ANKRD62: variants seen among roughly 807,000 people sequenced by gnomAD.
ANKRD62 encodes ankyrin repeat domain 62, also known as ankyrin repeat domain-containing protein 62.
ANKRD62 carries 61 observed loss-of-function variants against 98.8 expected under a neutral mutation model. The observed-to-expected ratio is 0.62, with a 90% confidence interval of 0.50 to 0.76. The LOEUF (loss-of-function observed/expected upper bound fraction) is 0.76, where lower values mean the gene tolerates loss of function less well. Among genes scored for constraint, ANKRD62 ranks in the 30% least tolerant of loss-of-function variants. The probability of loss-of-function intolerance (pLI) is 0.00; values close to 1 mark genes in which losing one functional copy is unlikely to be tolerated. For missense variants in ANKRD62, 933 were observed against 1,082.9 expected (o/e 0.86, Z 1.94); for synonymous variants, 341 against 367.9 (o/e 0.93, Z 0.84).
chr18:12,119,255 T>C (rs1909733602), intron 10 of ANKRD62, among the ~76,000 whole-genome samples: 1 of 152,170 alleles, frequency 6.6e-6, no homozygotes, highest in African/African-American at 2.4e-5. Flanking sequence ...ATTAGTAATT[T>C]GTATTTTCTC....
At chr18:12,133,967 A>G (rs1430986657), downstream of ANKRD62, among the ~76,000 whole-genome samples, 2 of 152,120 alleles carry the variant, frequency 1.3e-5, no homozygotes, top group Non-Finnish European at 2.9e-5. Context: ...TCATTACCCA[A>G]ATAATTTCCC....
chr18:12,132,846 T>C (rs1010075254), downstream of ANKRD62, among the ~76,000 whole-genome samples: 38 of 152,306 alleles, frequency 2.5e-4, no homozygotes, highest in Admixed American at 1.1e-3. Context: ...TCTTGAATTT[T>C]TTAGTTCAAA....
At chr18:12,152,250 T>C in the ANKRD62 span, among the ~76,000 whole-genome samples, 1 of 149,188 alleles carries the variant, frequency 6.7e-6, no homozygotes, top group African/African-American at 2.5e-5. Context: ...GCCAGCATTC[T>C]CCTGATACCG....
At chr18:12,127,084 G>C (rs564572626) in intron 13 of ANKRD62, among the ~76,000 whole-genome samples, 6 of 152,282 alleles carry the variant, frequency 3.9e-5, no homozygotes, top group African/African-American at 1.4e-4. Flanking sequence ...AGTCAAAAAT[G>C]TGGTCATAAT....
rs942948596 is a variant in ANKRD62, at chr18:12,096,283, G to A, written c.595G>A (p.Ala199Thr). ...GTTGAAGAAAAAACCAGATTTAACT[G>A]CAATAGATAATTTTGGAAGGTACAG... The part of the protein sequence containing the change: ...FLLKKKPDLT[A>T]IDNFGRTALI... The change falls in exon 4 of 14, where the codon GCA (alanine) becomes ACA (threonine). Residue 199 changes from alanine to threonine, a missense_variant. Around this residue, in one of 3 missense-constraint regions of ANKRD62, gnomAD observed 549 missense variants for 587.9 expected, o/e 0.93. Transcript: ENST00000587848. 2.6e-6 allele frequency: 4 copies of A among 1,529,548 alleles called. No individual in the cohort carries two copies. The highest frequency in any genetic ancestry group is 2.0e-5 in the Admixed American group (1 of 50,760). 94.7% of individuals were successfully genotyped at this position (1,529,548 alleles called of 1,614,324 possible). A position where few individuals can be genotyped will look rare whatever the true frequency, so the allele number is the denominator to read the frequency against.
At chr18:12,178,287 G>A in the ANKRD62 span, among the ~76,000 whole-genome samples, 3 of 149,912 alleles carry the variant, frequency 2.0e-5, no homozygotes, top group Non-Finnish European at 2.9e-5. Flanking sequence ...GAAAGAGAAG[G>A]GGAACTCCAG....
the ANKRD62 span, among the ~76,000 whole-genome samples, chr18:12,171,846 C>G: frequency 1.3e-5 from 2 of 152,048 alleles, no homozygotes; most frequent in African/African-American, 4.8e-5. Context: ...TTCTTTTTAC[C>G]CTTTTTTCTC....
At chr18:12,154,692 G>T in the ANKRD62 span, among the ~76,000 whole-genome samples, 1 of 152,054 alleles carries the variant, frequency 6.6e-6, no homozygotes, top group African/African-American at 2.4e-5. Flanking sequence ...ATCACTATTC[G>T]CAATAGCAAA....
At chr18:12,101,899 CT>C in intron 6 of ANKRD62, 1 of 734,018 alleles carries the variant, frequency 1.4e-6, no homozygotes. Context: ...TGGACTTACC[CT>C]GTTATTTCTT....
intron 1 of ANKRD62, among the ~76,000 whole-genome samples, chr18:12,094,803 AC>A (rs1909143076): frequency 5.1e-5 from 2 of 39,560 alleles, no homozygotes; most frequent in Non-Finnish European, 9.1e-5. Context: ...GGGGTTGGGG[AC>A]TGTGGTGGGG....
the ANKRD62 span, among the ~76,000 whole-genome samples, chr18:12,138,329 G>A: frequency 2.0e-4 from 30 of 152,348 alleles, no homozygotes; most frequent in African/African-American, 6.5e-4. Flanking sequence ...GGAGCAGGTT[G>A]TTCAGTTTCC....
chr18:12,096,174 A>G (rs1207956957), intron 3 of ANKRD62, 22 bp from the exon 4 acceptor site: 1 of 1,446,270 alleles, frequency 6.9e-7, no homozygotes, highest in South Asian at 1.3e-5. Flanking sequence ...GTGAATTATA[A>G]ATTGTTTTTG....
chr18:12,133,075 A>G (rs1263016308), downstream of ANKRD62, among the ~76,000 whole-genome samples: 2 of 152,134 alleles, frequency 1.3e-5, no homozygotes, highest in African/African-American at 2.4e-5. Flanking sequence ...ATATCTTCCT[A>G]TAATCCTTCT....
chr18:12,130,500 C>T (rs1909986725), downstream of ANKRD62, among the ~76,000 whole-genome samples: 1 of 151,940 alleles, frequency 6.6e-6, no homozygotes, highest in African/African-American at 2.4e-5. Flanking sequence ...CTAGAATATC[C>T]CTTGTCCAAA....
At chr18:12,115,868 C>A (rs1909653945) in intron 10 of ANKRD62, among the ~76,000 whole-genome samples, 1 of 152,158 alleles carries the variant, frequency 6.6e-6, no homozygotes, top group Admixed American at 6.5e-5. Context: ...TACTGCCCCA[C>A]CTTCCAAAGC....
chr18:12,125,098 A>G (rs980332542), intron 12 of ANKRD62, among the ~76,000 whole-genome samples: 3 of 152,180 alleles, frequency 2.0e-5, no homozygotes, highest in African/African-American at 7.2e-5. Context: ...TAAAGGTTAG[A>G]TGTTAGTGTG....
chr18:12,173,289 G>A, the ANKRD62 span, among the ~76,000 whole-genome samples: 1 of 152,194 alleles, frequency 6.6e-6, no homozygotes, highest in East Asian at 1.9e-4. Context: ...CTTAAAGTCT[G>A]TTTTGTCTGA....
intron 9 of ANKRD62, 131 bp from the exon 10 acceptor site, chr18:12,115,260 CCA>C: frequency 7.9e-7 from 1 of 1,270,604 alleles, no homozygotes; most frequent in South Asian, 1.8e-5. Flanking sequence ...ACCCTTTTAA[CCA>C]AAGTCAGTTA....
At position 12,122,371 on chromosome 18, in the gene ANKRD62, T is replaced by C. The variant is rs751037178; in HGVS notation, c.1309T>C (p.Cys437Arg). 3.6e-5 allele frequency: 56 copies of C among 1,535,562 alleles called. 1 individual carries two copies. Among genetic ancestry groups the C allele is most frequent in the Admixed American group, 1.6e-4 (8 of 50,950 alleles). The change falls in exon 11 of 14, where the codon TGT (cysteine) becomes CGT (arginine). Residue 437 changes from cysteine to arginine, a missense_variant. Physicochemically the swap from Cys to Arg is radical, Grantham distance 180. Coordinates refer to ENST00000587848, the MANE Select transcript of ANKRD62 (RefSeq NM_001277333.2). The stretch of plus-strand genomic sequence containing the variant: ...TGGAAGATCAATAGAGGATCAAAAA[T>C]GTTACTGTGAACGACTTAAAGTAAA... ...ACGRSIEDQKCYCERLKVKFQ... is the reference protein window; with the variant it reads ...ACGRSIEDQKRYCERLKVKFQ...
Sources: allele counts gnomAD v4.1 joint callset (sites outside exome capture counted in the v4.1 genomes callset), GRCh38; gene constraint gnomAD v4.1.1; regional missense constraint gnomAD v4.1.1; transcripts MANE v1.5; gene names NCBI Gene and HGNC (gene_info 2026-07-23, HGNC 2026-07-21).